The following CAMK2G variants were observed in gnomAD, a reference collection of about 807,000 sequenced individuals.
CAMK2G encodes calcium/calmodulin dependent protein kinase II gamma, also known as calcium/calmodulin-dependent protein kinase type II subunit gamma.
In CAMK2G, 23 loss-of-function variants were observed where a neutral mutation model predicts 88.7. The observed-to-expected ratio is 0.26, with a 90% CI of 0.19 to 0.37. The LOEUF is 0.37. CAMK2G is among the 10% of genes least tolerant of loss of function. CAMK2G has a pLI of 1.00. For synonymous variants in CAMK2G, 263 were observed against 294.8 expected, an observed-to-expected ratio of 0.89 and a Z score of 1.11; for missense variants, 476 against 780.8, an observed-to-expected ratio of 0.61 and a Z score of 4.65.
chr10:73,867,089 G>A (rs554050641), intron 2 of CAMK2G, among the ~76,000 whole-genome samples: 14 of 152,278 alleles, frequency 9.2e-5, no homozygotes, highest in African/African-American at 3.1e-4. Context: ...GAGGGACGGG[G>A]CCTGAAATGG....
At chr10:73,817,420 A>G in intron 20 of CAMK2G, 59 bp downstream of exon 20, 1 of 1,194,218 alleles carries the variant, frequency 8.4e-7, no homozygotes, top group Non-Finnish European at 1.3e-6. Flanking sequence ...TGTTGTCTGG[A>G]AGCAGGGAAG....
chr10:73,828,202 C>T, intron 14 of CAMK2G, 81 bp from the exon 15 acceptor site: 4 of 1,163,156 alleles, frequency 3.4e-6, no homozygotes, highest in South Asian at 1.2e-5. Context: ...CAGGTTAGCG[C>T]ACCAGTGTGG....
intron 5 of CAMK2G, 122 bp downstream of exon 5, chr10:73,852,132 G>A: frequency 1.3e-6 from 1 of 743,444 alleles, no homozygotes; most frequent in South Asian, 1.6e-5. Context: ...CCAGACAAGA[G>A]CTATTCTGAT....
chr10:73,852,492 C>A, intron 4 of CAMK2G, 173 bp from the exon 5 acceptor site: 1 of 611,664 alleles, frequency 1.6e-6, no homozygotes. Context: ...CACCCGGATT[C>A]TCCTTGAGGT....
chr10:73,822,538 T>C lies in CAMK2G; in HGVS notation c.1201-808A>G, dbSNP rs189778376. ...GTCAACTAGATTCTGTTACTCCTGC[T>C]AAGAACTCCCAATAGCTTCTCCTTG... On this transcript the variant is annotated intron_variant, in intron 17 of 22. Coordinates refer to ENST00000423381, the MANE Select transcript of CAMK2G (RefSeq NM_001367534.1). Among the ~76,000 whole-genome samples, 6 of 152,310 alleles carry C rather than the reference T, an allele frequency of 3.9e-5. No individual in the cohort carries two copies. In the South Asian group the frequency reaches 1.2e-3, roughly 32 times the overall value.
rs551087529 is a variant in CAMK2G, at chr10:73,839,636, C to T, written c.947-35G>A. On this transcript the variant is annotated intron_variant, in intron 12 of 22. Coordinates refer to ENST00000423381, the MANE Select transcript of CAMK2G (RefSeq NM_001367534.1). This position sits in a 1 kb window ranked among gnomAD's most constrained non-coding sequence, Gnocchi z 4.2. ...TACAGTCTCTCAGTGCACAGAGCCC[C>T]GCAAAGCCACGGGGCCGTCAGCAGC... 26 of 1,187,026 alleles carry T rather than the reference C, an allele frequency of 2.2e-5. No homozygotes were observed. Among genetic ancestry groups the T allele is most frequent in the African/African-American group, 1.9e-4 (12 of 63,556 alleles). The allele number at this position is 1,187,026 out of a possible 1,614,324, so 73.5% of individuals were successfully genotyped here.
At chr10:73,843,091 G>A (rs10824039) in intron 10 of CAMK2G, among the ~76,000 whole-genome samples, 24,352 of 134,534 alleles carry the variant, frequency 0.18, 2,178 homozygotes, top group South Asian at 0.27. Context: ...TTTTTTTTTT[G>A]CAATGGAGTC....
At chr10:73,867,040 C>T (rs962104326) in intron 2 of CAMK2G, among the ~76,000 whole-genome samples, 4 of 152,220 alleles carry the variant, frequency 2.6e-5, no homozygotes, top group African/African-American at 9.6e-5. Context: ...AATGCCCTCA[C>T]ACATGTACAC....
intron 3 of CAMK2G, among the ~76,000 whole-genome samples, chr10:73,854,875 A>G (rs796332088): frequency 2.0e-5 from 3 of 152,144 alleles, no homozygotes; most frequent in African/African-American, 7.2e-5. Context: ...TCCGCATCCC[A>G]TTACCTACAC....
At chr10:73,825,580 T>C (rs146136190) in intron 15 of CAMK2G, among the ~76,000 whole-genome samples, 3 of 152,292 alleles carry the variant, frequency 2.0e-5, no homozygotes, top group African/African-American at 7.2e-5. Context: ...CCCAAAGCCT[T>C]GTTTTAAAGC....
chr10:73,842,140 A>G lies in CAMK2G; in HGVS notation c.946+29T>C. 1 of 1,593,484 alleles carries G rather than the reference A, an allele frequency of 6.3e-7. No individual in the cohort carries two copies. Among genetic ancestry groups the G allele is most frequent in the Non-Finnish European group, 8.6e-7 (1 of 1,161,154 alleles). On this transcript the variant is annotated intron_variant, in intron 12 of 22. Transcript: ENST00000423381. The surrounding 1 kb of genome is among the most constrained non-coding windows in gnomAD (Gnocchi z 4.6). ...ATTCCTGATCCACTCACCTCGGCATAATCAAAGTACACAGCTGGGAAAACA... is the reference window on the plus strand; with the variant it reads ...ATTCCTGATCCACTCACCTCGGCATGATCAAAGTACACAGCTGGGAAAACA...
intron 2 of CAMK2G, among the ~76,000 whole-genome samples, chr10:73,871,109 GA>G (rs1388116597): frequency 6.6e-6 from 1 of 152,114 alleles, no homozygotes; most frequent in East Asian, 1.9e-4. Context: ...CATCTTGGGA[GA>G]GGGGGAGTTG....
rs549729891 is a variant in CAMK2G at position 73,839,877 on chromosome 10, G to C, written c.947-276C>G. Among the ~76,000 whole-genome samples, 1 of 152,204 alleles carries C rather than the reference G, an allele frequency of 6.6e-6. No homozygotes were observed. The highest frequency in any genetic ancestry group is 2.4e-5 in the African/African-American group (1 of 41,456). Reference sequence around the variant, plus strand: ...GCCTGTCTCATGACCCCCTCCGGAGGAGGGTCCACAGCGAAATGCCTGAGC... The same window carrying C: ...GCCTGTCTCATGACCCCCTCCGGAGCAGGGTCCACAGCGAAATGCCTGAGC... On this transcript the variant is annotated intron_variant, in intron 12 of 22. Transcript: ENST00000423381. This position sits in a 1 kb window ranked among gnomAD's most constrained non-coding sequence, Gnocchi z 4.2.
At chr10:73,871,144 A>T (rs1237795240) in intron 2 of CAMK2G, among the ~76,000 whole-genome samples, 1 of 151,624 alleles carries the variant, frequency 6.6e-6, no homozygotes. Context: ...ATACTTTTAC[A>T]CAAGAATCCT....
In CAMK2G at chr10:73,839,824, G is replaced by C. The variant is rs1017419012; in HGVS notation, c.947-223C>G. Among the ~76,000 whole-genome samples the C allele has an allele frequency of 6.6e-6, 1 of 152,160 alleles. No individual in the cohort carries two copies. The highest frequency in any genetic ancestry group is 1.5e-5 in the Non-Finnish European group (1 of 68,002). On this transcript the variant is annotated intron_variant, in intron 12 of 22. Transcript: ENST00000423381. This position sits in a 1 kb window ranked among gnomAD's most constrained non-coding sequence, Gnocchi z 4.2. ...TGGGCCAGGGCATAGGGAACACTGC[G>C]TCCCCACCAGATGGAGAGGGCTGCA... is the stretch of plus-strand genomic sequence containing the variant.
Position 73,847,050 on chromosome 10 carries a change from C to T in CAMK2G, c.819+175G>A, listed in dbSNP as rs899063660. 8.3e-5 allele frequency: 51 copies of T among 611,980 alleles called. 1 individual carries two copies. Among genetic ancestry groups the T allele is most frequent in the Non-Finnish European group, 1.1e-4 (39 of 351,212 alleles). The allele number at this position is 611,980 out of a possible 1,614,324, so 37.9% of individuals were successfully genotyped here. On this transcript the variant is annotated intron_variant, in intron 10 of 22. Transcript: ENST00000423381. ...TGGCCCACCAGCCCCATCAGCCTCC[C>T]GAGTCTCCCTGGTGACATTTATTGA... is the stretch of plus-strand genomic sequence containing the variant.
intron 16 of CAMK2G, among the ~76,000 whole-genome samples, 179 bp downstream of exon 16, chr10:73,825,100 G>A (rs540908717): frequency 2.6e-5 from 4 of 152,294 alleles, no homozygotes; most frequent in African/African-American, 9.6e-5. Flanking sequence ...GGGATGGAGC[G>A]CGGCCAGGCG....
chr10:73,846,280 C>T (rs567067502), intron 10 of CAMK2G: 44 of 152,308 alleles, frequency 2.9e-4, no homozygotes, highest in African/African-American at 8.4e-4. Flanking sequence ...CTCAACATTC[C>T]TTCAACTCAC....
chr10:73,874,421 T>A lies in CAMK2G; in HGVS notation c.41A>T (p.Tyr14Phe). The A allele has an allele frequency of 6.6e-7, 1 of 1,517,026 alleles. No homozygotes were observed. The highest frequency in any genetic ancestry group is 8.9e-7 in the Non-Finnish European group (1 of 1,123,360). 94.0% of individuals were successfully genotyped at this position (1,517,026 alleles called of 1,614,324 possible). A position where few individuals can be genotyped will look rare whatever the true frequency, so the allele number is the denominator to read the frequency against. The change falls in exon 1 of 23, where the codon TAC becomes TTC. Residue 14 changes from tyrosine to phenylalanine, a missense_variant. Transcript: ENST00000423381. ...TATCTRFTDD[Y>F]QLFEELGKGA... ...CTTGCCAAGCTCCTCGAAGAGCTGG[T>A]AGTCGTCGGTGAAACGGGTGCAGGT... is the stretch of plus-strand genomic sequence containing the variant.
Sources: gnomAD v4.1 joint callset for allele counts (sites outside exome capture counted in the v4.1 genomes callset) on GRCh38, gnomAD v4.1.1 for gene constraint, Gnocchi (gnomAD v3.1) non-coding constraint, MANE v1.5 for transcripts, NCBI Gene and HGNC (gene_info 2026-07-23, HGNC 2026-07-21) for gene names.